Variants in MLIP observed in about 807,000 individuals in gnomAD.
The protein encoded by MLIP is muscular LMNA interacting protein.
A neutral mutation model predicts 84.8 loss-of-function variants in MLIP; 79 were observed. That is an observed-to-expected ratio of 0.93 (90% CI 0.78 to 1.12). The LOEUF (loss-of-function observed/expected upper bound fraction) is 1.12, where lower values mean the gene tolerates loss of function less well. MLIP is among the 50% of genes most tolerant of loss of function. The pLI is 0.00. For missense variants in MLIP, 1,257 were observed against 1,160.6 expected (o/e 1.08, Z -1.21); for synonymous variants, 504 against 463.0 (o/e 1.09, Z -1.14).
At chr6:54,220,489 A>C (rs1000260869) in intron 11 of MLIP, among the ~76,000 whole-genome samples, 1 of 152,204 alleles carries the variant, frequency 6.6e-6, no homozygotes, top group Non-Finnish European at 1.5e-5. Context: ...CAGAATAATA[A>C]CAATAGAATG....
At chr6:54,120,128 T>A (rs1261577484) in intron 1 of MLIP, among the ~76,000 whole-genome samples, 3 of 152,064 alleles carry the variant, frequency 2.0e-5, no homozygotes, top group Non-Finnish European at 4.4e-5. Context: ...CATGCAAACT[T>A]CTTAAAAGAG....
chr6:54,104,821 G>A (rs995109452), intron 1 of MLIP, among the ~76,000 whole-genome samples: 1 of 152,084 alleles, frequency 6.6e-6, no homozygotes, highest in Non-Finnish European at 1.5e-5. Flanking sequence ...CACTGTGAGT[G>A]GGATGACAGT....
chr6:54,255,530 A>T lies in MLIP; in HGVS notation c.2923-1778A>T, dbSNP rs940608371. On this transcript the variant is annotated intron_variant, in intron 12 of 13. Coordinates refer to ENST00000502396, the MANE Select transcript of MLIP (RefSeq NM_001281747.2). ...TCTACTGTGATAAAAGATCATAAAC[A>T]GAAGAAAGCATGCCAAAGCTAAATA... Among the ~76,000 whole-genome samples, 6 of 152,354 alleles carry T rather than the reference A, an allele frequency of 3.9e-5. No individual in the cohort carries two copies. In the East Asian group the frequency reaches 9.6e-4, roughly 24 times the overall value.
intron 4 of MLIP, among the ~76,000 whole-genome samples, chr6:54,138,928 G>T (rs1424236163): frequency 6.6e-6 from 1 of 152,158 alleles, no homozygotes. Context: ...GTGATTTTCA[G>T]CTCAGCACAT....
intron 3 of MLIP, among the ~76,000 whole-genome samples, chr6:54,125,801 A>G (rs1770875397): frequency 6.6e-6 from 1 of 152,082 alleles, no homozygotes; most frequent in East Asian, 1.9e-4. Context: ...AGTTTAAAGG[A>G]CATTTTTACT....
At chr6:54,213,372 A>G (rs948140859) in intron 11 of MLIP, among the ~76,000 whole-genome samples, 1 of 152,286 alleles carries the variant, frequency 6.6e-6, no homozygotes, top group East Asian at 1.9e-4. Flanking sequence ...AAATGTATAG[A>G]TTTTGTAACA....
intron 1 of MLIP, among the ~76,000 whole-genome samples, chr6:54,025,004 A>ATTT (rs79753738): frequency 0.01 from 1,429 of 139,990 alleles, 32 homozygotes; most frequent in African/African-American, 0.035. Context: ...TGCCCAGCTA[A>ATTT]TTTTTTTTTT....
chr6:54,156,571 A>G (rs1774052757), intron 5 of MLIP, among the ~76,000 whole-genome samples: 1 of 152,174 alleles, frequency 6.6e-6, no homozygotes, highest in Non-Finnish European at 1.5e-5. Context: ...TGGTAAACAA[A>G]TTTAACTGTA....
intron 1 of MLIP, among the ~76,000 whole-genome samples, chr6:54,112,666 TA>T (rs5876361): frequency 2.0e-5 from 3 of 151,502 alleles, no homozygotes; most frequent in African/African-American, 7.3e-5. Flanking sequence ...TCAACTAAAA[TA>T]AAAAAAAATT....
At chr6:54,129,152 A>C (rs754142666) in intron 3 of MLIP, among the ~76,000 whole-genome samples, 2 of 152,184 alleles carry the variant, frequency 1.3e-5, no homozygotes, top group Non-Finnish European at 2.9e-5. Flanking sequence ...TCATGGATTC[A>C]TAGAAAAGGG....
intron 11 of MLIP, among the ~76,000 whole-genome samples, chr6:54,207,728 C>T (rs547478139): frequency 6.6e-6 from 1 of 152,214 alleles, no homozygotes; most frequent in East Asian, 1.9e-4. Context: ...AAACAATGAC[C>T]TTTTGAAAGT....
intron 1 of MLIP, among the ~76,000 whole-genome samples, chr6:54,071,589 A>T (rs965251848): frequency 2.6e-5 from 4 of 152,198 alleles, no homozygotes; most frequent in Non-Finnish European, 5.9e-5. Context: ...CAATTTTCTT[A>T]AAAATATAAA....
At chr6:54,089,024 A>T (rs181391698) in intron 1 of MLIP, among the ~76,000 whole-genome samples, 10 of 152,134 alleles carry the variant, frequency 6.6e-5, no homozygotes, top group Admixed American at 3.9e-4. Context: ...AGTGGAGACT[A>T]AAATATTTAG....
At chr6:54,244,922 A>G (rs1483374519) in intron 12 of MLIP, among the ~76,000 whole-genome samples, 3 of 152,156 alleles carry the variant, frequency 2.0e-5, no homozygotes, top group Non-Finnish European at 2.9e-5. Context: ...GGAATTTGGT[A>G]ATTGGAAAGA....
intron 9 of MLIP, among the ~76,000 whole-genome samples, chr6:54,179,903 T>C (rs1354801380): frequency 6.6e-6 from 1 of 152,194 alleles, no homozygotes; most frequent in Admixed American, 6.5e-5. Context: ...GTTTTGTATC[T>C]TCTGATGATT....
chr6:54,138,343 T>A, intron 4 of MLIP, 57 bp downstream of exon 4: 1 of 1,462,298 alleles, frequency 6.8e-7, no homozygotes, highest in South Asian at 1.4e-5. Flanking sequence ...AGAATCTTTT[T>A]TTTTTCCCCA....
In MLIP at chr6:54,213,734, A is replaced by AAAAAAAAAAACAAAAAAC. The variant is rs368508685; in HGVS notation, c.2718+11503_2718+11504insAAAAAAAACAAAAAACAA. Among the ~76,000 whole-genome samples, 47 of 82,364 alleles carry AAAAAAAAAAACAAAAAAC rather than the reference A, an allele frequency of 5.7e-4. 8 individuals carry two copies. Among genetic ancestry groups the AAAAAAAAAAACAAAAAAC allele is most frequent in the East Asian group, 1.0e-3 (3 of 2,904 alleles). 54.0% of individuals were successfully genotyped at this position (82,364 alleles called of 152,430 possible). A position where few individuals can be genotyped will look rare whatever the true frequency, so the allele number is the denominator to read the frequency against. On this transcript the variant is annotated intron_variant, in intron 11 of 13. Transcript: ENST00000502396. ...AAAAAAAAAAAAAAAAAAAAAAAAAAAACAACAAACAGCATATCTTGTATG... is the reference window on the plus strand; with the variant it reads ...AAAAAAAAAAAAAAAAAAAAAAAAAAAAAAAAAAAACAAAAAACAACAACAAACAGCATATCTTGTATG...
intron 1 of MLIP, among the ~76,000 whole-genome samples, chr6:54,095,920 T>G (rs756337350): frequency 1.3e-5 from 2 of 152,068 alleles, no homozygotes; most frequent in Admixed American, 1.3e-4. Context: ...GCAAGTCAAA[T>G]GGGCAGGTCC....
At chr6:54,104,721 T>A (rs1768889187) in intron 1 of MLIP, among the ~76,000 whole-genome samples, 1 of 152,268 alleles carries the variant, frequency 6.6e-6, no homozygotes, top group South Asian at 2.1e-4. Context: ...CTCCCTTTTT[T>A]TTCCCCCAAA....
Sources: gnomAD v4.1 joint callset for allele counts (sites outside exome capture counted in the v4.1 genomes callset) on GRCh38, gnomAD v4.1.1 for gene constraint, MANE v1.5 for transcripts, NCBI Gene and HGNC (gene_info 2026-07-23, HGNC 2026-07-21) for gene names.